Variants in SLC26A7 observed in about 807,000 individuals in gnomAD.
The protein encoded by SLC26A7 is anion exchange transporter.
In SLC26A7, 59 loss-of-function variants were observed where a neutral mutation model predicts 82.5. That is an observed-to-expected ratio of 0.72 (90% confidence interval 0.58 to 0.89). SLC26A7 has a LOEUF of 0.89. Ranked by LOEUF, SLC26A7 falls within the 40% of genes least tolerant of loss-of-function variation. SLC26A7 has a pLI of 0.00. For synonymous variants in SLC26A7, 271 were observed against 274.3 expected, an observed-to-expected ratio of 0.99 and a Z score of 0.12; for missense variants, 820 against 793.0, an observed-to-expected ratio of 1.03 and a Z score of -0.41.
At chr8:91,362,819 A>G (rs1316195058) in intron 12 of SLC26A7, among the ~76,000 whole-genome samples, 1 of 152,140 alleles carries the variant, frequency 6.6e-6, no homozygotes, top group African/African-American at 2.4e-5. Flanking sequence ...CAATATATTT[A>G]GAAAATTAAA....
intron 4 of SLC26A7, among the ~76,000 whole-genome samples, chr8:91,306,500 T>G (rs770377197): frequency 6.6e-6 from 1 of 152,154 alleles, no homozygotes; most frequent in Non-Finnish European, 1.5e-5. Flanking sequence ...GGAGAGGATT[T>G]TCTTTTCTTT....
Position 91,318,355 on chromosome 8 carries a change from T to C in SLC26A7, c.617T>C (p.Ile206Thr). ...CTCTTGGGAATGAAAATGCCATATA[T>C]ATCCGGACCACTTGGATTCTTTTAT... ...KYLLGMKMPY[I>T]SGPLGFFYIY... The change falls in exon 5 of 19, where the codon ATA becomes ACA. Residue 206 changes from isoleucine to threonine, a missense_variant. Physicochemically the swap from Ile to Thr is moderately conservative, Grantham distance 89. Coordinates refer to ENST00000276609, the MANE Select transcript of SLC26A7 (RefSeq NM_052832.4). The C allele has an allele frequency of 1.2e-6, 2 of 1,608,712 alleles. No homozygotes were observed. The highest frequency in any genetic ancestry group is 2.2e-5 in the South Asian group (2 of 90,230).
intron 2 of SLC26A7, among the ~76,000 whole-genome samples, chr8:91,287,890 G>A (rs540278319): frequency 7.2e-5 from 11 of 152,060 alleles, no homozygotes; most frequent in Non-Finnish European, 1.3e-4. Flanking sequence ...ATGCCTTTAT[G>A]AAATTCTAGA....
chr8:91,258,860 A>G (rs1006202151), intron 2 of SLC26A7, among the ~76,000 whole-genome samples: 1 of 152,088 alleles, frequency 6.6e-6, no homozygotes, highest in Non-Finnish European at 1.5e-5. Flanking sequence ...TTGTCCCTCT[A>G]TTCTCTATCT....
rs780427889 is a variant in SLC26A7 at position 91,389,319 on chromosome 8, G to A, written c.1676-19G>A. On this transcript the variant is annotated intron_variant, in intron 15 of 18. Transcript: ENST00000276609. ...TCTCTTAAAACTCTCCCTAACTCAAGTCTCTGTTTCTCCTACAGAAGAAGC... is the reference window on the plus strand; with the variant it reads ...TCTCTTAAAACTCTCCCTAACTCAAATCTCTGTTTCTCCTACAGAAGAAGC... 4 of 1,592,660 alleles carry A rather than the reference G, an allele frequency of 2.5e-6. No individual in the cohort carries two copies. Among genetic ancestry groups the A allele is most frequent in the Middle Eastern group, 1.7e-4 (1 of 6,052 alleles).
At chr8:91,381,929 T>A (rs1213142210) in intron 15 of SLC26A7, among the ~76,000 whole-genome samples, 1 of 152,226 alleles carries the variant, frequency 6.6e-6, no homozygotes, top group African/African-American at 2.4e-5. Flanking sequence ...TTAATTATGT[T>A]TGAAATTAGT....
chr8:91,271,908 A>G (rs890862917), intron 2 of SLC26A7, among the ~76,000 whole-genome samples: 1 of 152,124 alleles, frequency 6.6e-6, no homozygotes, highest in Admixed American at 6.5e-5. Flanking sequence ...AATCTTATAG[A>G]AAGTTAGTCC....
chr8:91,267,060 A>G (rs114955990), intron 2 of SLC26A7, among the ~76,000 whole-genome samples: 3,411 of 151,908 alleles, frequency 0.022, 112 homozygotes, highest in African/African-American at 0.076. Flanking sequence ...TGTATTCTCA[A>G]CCTTCCTTGT....
chr8:91,327,571 T>G (rs1812967723), intron 5 of SLC26A7, among the ~76,000 whole-genome samples: 1 of 152,172 alleles, frequency 6.6e-6, no homozygotes, highest in Non-Finnish European at 1.5e-5. Context: ...ATGTGGTAGC[T>G]GGCATATATG....
At chr8:91,384,553 C>A (rs190542568) in intron 15 of SLC26A7, among the ~76,000 whole-genome samples, 2 of 152,186 alleles carry the variant, frequency 1.3e-5, no homozygotes, top group Non-Finnish European at 2.9e-5. Context: ...CTGTCCATCA[C>A]ACAAGGTCTC....
chr8:91,396,834 A>G lies in SLC26A7; in HGVS notation c.*1737A>G, dbSNP rs536374211. 1 of 152,090 alleles carries G rather than the reference A, an allele frequency of 6.6e-6. No homozygotes were observed. Among genetic ancestry groups the G allele is most frequent in the South Asian group, 2.1e-4 (1 of 4,836 alleles). The allele number at this position is 152,090 out of a possible 1,614,324, so 9.4% of individuals were successfully genotyped here. A position where few individuals can be genotyped will look rare whatever the true frequency, so the allele number is the denominator to read the frequency against. ...ATTCCAATGGCGGATGGTAATATTCACCATCTCTAATTCATTGGTCACTGG... is the reference window on the plus strand; with the variant it reads ...ATTCCAATGGCGGATGGTAATATTCGCCATCTCTAATTCATTGGTCACTGG... On this transcript the variant is annotated 3_prime_UTR_variant, in exon 19 of 19. Coordinates refer to ENST00000276609, the MANE Select transcript of SLC26A7 (RefSeq NM_052832.4).
chr8:91,251,749 T>C (rs1167222192), intron 2 of SLC26A7, among the ~76,000 whole-genome samples: 3 of 152,022 alleles, frequency 2.0e-5, no homozygotes, highest in Non-Finnish European at 2.9e-5. Context: ...ACCTGATAAG[T>C]AGTGGAGTCA....
chr8:91,288,891 T>G (rs1417176199), intron 2 of SLC26A7, among the ~76,000 whole-genome samples: 1 of 152,212 alleles, frequency 6.6e-6, no homozygotes, highest in Non-Finnish European at 1.5e-5. Flanking sequence ...ACCACTGTTT[T>G]TTGTAGACAT....
intron 15 of SLC26A7, among the ~76,000 whole-genome samples, chr8:91,387,477 G>T (rs577148402): frequency 6.6e-6 from 1 of 152,240 alleles, no homozygotes; most frequent in South Asian, 2.1e-4. Context: ...AGAACAGAAG[G>T]CACTACTGGA....
At chr8:91,363,595 A>G in intron 13 of SLC26A7, 57 bp downstream of exon 13, 1 of 1,038,594 alleles carries the variant, frequency 9.6e-7, no homozygotes, top group Non-Finnish European at 1.4e-6. Flanking sequence ...TGGGTGAGAT[A>G]ATTTTAAGAC....
chr8:91,292,373 T>G (rs1189760289), intron 3 of SLC26A7, among the ~76,000 whole-genome samples: 1 of 151,946 alleles, frequency 6.6e-6, no homozygotes, highest in Non-Finnish European at 1.5e-5. Flanking sequence ...GAAAATAGAC[T>G]AATTATGTTT....
chr8:91,284,509 G>T (rs990226071), intron 2 of SLC26A7, among the ~76,000 whole-genome samples: 1 of 152,116 alleles, frequency 6.6e-6, no homozygotes, highest in African/African-American at 2.4e-5. Context: ...AATATGATTG[G>T]CCTATCTTTA....
At chr8:91,314,924 G>T (rs1243393934) in intron 4 of SLC26A7, among the ~76,000 whole-genome samples, 2 of 151,982 alleles carry the variant, frequency 1.3e-5, no homozygotes, top group African/African-American at 4.8e-5. Flanking sequence ...ACTTCTTCTG[G>T]ACTCTTTTGT....
At chr8:91,226,620 T>A (rs1467958535) in intron 2 of SLC26A7, among the ~76,000 whole-genome samples, 3 of 152,260 alleles carry the variant, frequency 2.0e-5, no homozygotes, top group Non-Finnish European at 4.4e-5. Context: ...TGATATGGCA[T>A]GAACAAAACT....
Sources: gnomAD v4.1 joint callset for allele counts (sites outside exome capture counted in the v4.1 genomes callset) on GRCh38, gnomAD v4.1.1 for gene constraint, MANE v1.5 for transcripts, NCBI Gene and HGNC (gene_info 2026-07-23, HGNC 2026-07-21) for gene names.